Variants in SCAPER observed in about 807,000 individuals in gnomAD.
SCAPER encodes S-phase cyclin A associated protein in the ER.
A neutral mutation model predicts 182.2 loss-of-function variants in SCAPER; 98 were observed. The observed-to-expected ratio is 0.54, with a 90% confidence interval of 0.46 to 0.64. The LOEUF (loss-of-function observed/expected upper bound fraction) is 0.64, where lower values mean the gene tolerates loss of function less well. SCAPER is among the 30% of genes least tolerant of loss of function. The pLI, the probability that SCAPER is intolerant of heterozygous loss-of-function variation, is 0.00. For synonymous variants in SCAPER, 605 were observed against 564.6 expected, an observed-to-expected ratio of 1.07 and a Z score of -1.01; for missense variants, 1,432 against 1,690.0, an observed-to-expected ratio of 0.85 and a Z score of 2.68.
chr15:76,620,701 T>C (rs1414743697), intron 22 of SCAPER, among the ~76,000 whole-genome samples: 1 of 152,224 alleles, frequency 6.6e-6, no homozygotes, highest in Non-Finnish European at 1.5e-5. Context: ...CTTGACTTTT[T>C]CACTGTTAAA....
At chr15:76,531,295 TTTTC>T (rs2043640965) in intron 23 of SCAPER, among the ~76,000 whole-genome samples, 1 of 152,136 alleles carries the variant, frequency 6.6e-6, no homozygotes, top group Non-Finnish European at 1.5e-5. Flanking sequence ...CAGATGCTTG[TTTTC>T]TTTATCAGTC....
intron 25 of SCAPER, among the ~76,000 whole-genome samples, chr15:76,470,824 A>C (rs2050098104): frequency 6.6e-6 from 1 of 152,154 alleles, no homozygotes; most frequent in Non-Finnish European, 1.5e-5. Flanking sequence ...GACCCTTTTA[A>C]CTTAACCTGG....
Position 76,373,692 on chromosome 15 carries a change from G to A in SCAPER, c.3855+2470C>T, listed in dbSNP as rs368197307. 2.2e-3 allele frequency among the ~76,000 whole-genome samples: 328 copies of A among 152,328 alleles called. 2 individuals carry two copies. Among genetic ancestry groups the A allele is most frequent in the African/African-American group, 7.5e-3 (311 of 41,570 alleles). The stretch of plus-strand genomic sequence containing the variant: ...TAATATTCTGGTAAGGATCCAAACT[G>A]TCTATATTTTAGCCATGGGAATCTT... On this transcript the variant is annotated intron_variant, in intron 29 of 31. Coordinates refer to ENST00000563290, the MANE Select transcript of SCAPER (RefSeq NM_020843.4).
At chr15:76,554,102 G>T (rs990376184) in intron 23 of SCAPER, among the ~76,000 whole-genome samples, 5 of 152,164 alleles carry the variant, frequency 3.3e-5, no homozygotes. Flanking sequence ...CAATACAGGA[G>T]CTAAAAGATG....
intron 1 of SCAPER, among the ~76,000 whole-genome samples, chr15:76,886,616 C>A (rs1277117200): frequency 6.6e-6 from 1 of 152,136 alleles, no homozygotes; most frequent in African/African-American, 2.4e-5. Context: ...CCTCAAAGAC[C>A]TAAAGACACA....
chr15:76,592,813 T>G (rs1178053514), intron 22 of SCAPER, among the ~76,000 whole-genome samples: 2 of 120,920 alleles, frequency 1.7e-5, no homozygotes, highest in Admixed American at 1.8e-4. Flanking sequence ...TTTCCTAAGG[T>G]CTTTGCAACC....
chr15:76,721,762 T>C (rs1209868426), intron 17 of SCAPER, among the ~76,000 whole-genome samples: 1 of 152,140 alleles, frequency 6.6e-6, no homozygotes, highest in Non-Finnish European at 1.5e-5. Context: ...CTTGTGATTT[T>C]TGTACACTGA....
chr15:76,701,328 C>T (rs7168735), intron 20 of SCAPER, among the ~76,000 whole-genome samples: 1 of 152,014 alleles, frequency 6.6e-6, no homozygotes, highest in Admixed American at 6.6e-5. Context: ...CATATTTATA[C>T]AAATCTAAAT....
chr15:76,764,921 A>G (rs1418925785), intron 14 of SCAPER, 40 bp downstream of exon 14: 2 of 1,228,536 alleles, frequency 1.6e-6, no homozygotes, highest in Non-Finnish European at 2.3e-6. Context: ...AAGCCCAGCA[A>G]CTTCAGACTA....
chr15:76,680,439 A>ATAATAATAATAATAT (rs2057634758), intron 20 of SCAPER, among the ~76,000 whole-genome samples: 1 of 141,470 alleles, frequency 7.1e-6, no homozygotes, highest in African/African-American at 2.5e-5. Context: ...AATAATAATA[A>ATAATAATAATAATAT]TAATAATAAT....
chr15:76,726,393 T>C (rs1239819695), intron 17 of SCAPER, among the ~76,000 whole-genome samples: 4 of 151,512 alleles, frequency 2.6e-5, no homozygotes, highest in Non-Finnish European at 4.4e-5. Flanking sequence ...TGTGGAACCC[T>C]TGTGCAATGC....
chr15:76,471,674 G>GA (rs1236689477), intron 24 of SCAPER, among the ~76,000 whole-genome samples: 1 of 151,632 alleles, frequency 6.6e-6, no homozygotes, highest in East Asian at 1.9e-4. Flanking sequence ...ATAATACCCA[G>GA]AAAAAAAAGG....
At chr15:76,593,794 C>T (rs1476400669) in intron 22 of SCAPER, among the ~76,000 whole-genome samples, 3 of 120,998 alleles carry the variant, frequency 2.5e-5, no homozygotes, top group East Asian at 2.2e-4. Flanking sequence ...ACAAAAAGGA[C>T]ATCCACACAG....
intron 23 of SCAPER, among the ~76,000 whole-genome samples, chr15:76,514,698 T>C (rs1398442100): frequency 3.9e-5 from 6 of 152,298 alleles, no homozygotes; most frequent in Middle Eastern, 3.4e-3. Context: ...AAAATACAAG[T>C]AGGTTTTGGC....
Position 76,381,540 on chromosome 15 carries a change from A to G in SCAPER, c.3543T>C (p.Ala1181=). 6.2e-7 allele frequency: 1 copy of G among 1,612,620 alleles called. No individual in the cohort carries two copies. Reference sequence around the variant, plus strand: ...CACAGTAGAGCATATGAAGAACTCCAGCCAGGTCGGTTGCCTGAAGAGCAG... The same window carrying G: ...CACAGTAGAGCATATGAAGAACTCCGGCCAGGTCGGTTGCCTGAAGAGCAG... The part of the protein sequence containing the change: ...LTAALQATDL[A]GVLHMLYCVL... The change falls in exon 28 of 32, where the codon GCT becomes GCC. Residue 1181 remains alanine (A), a synonymous_variant. Transcript: ENST00000563290.
intron 24 of SCAPER, among the ~76,000 whole-genome samples, chr15:76,477,941 T>A (rs924050791): frequency 2.0e-5 from 3 of 151,992 alleles, no homozygotes; most frequent in African/African-American, 4.8e-5. Flanking sequence ...TCTTAATTTT[T>A]TTTTTTAGTT....
chr15:76,585,286 A>G (rs1567528130), intron 22 of SCAPER, among the ~76,000 whole-genome samples: 1 of 152,164 alleles, frequency 6.6e-6, no homozygotes, highest in Non-Finnish European at 1.5e-5. Context: ...CTGTTCACTG[A>G]TAGTATGTCT....
intron 14 of SCAPER, among the ~76,000 whole-genome samples, chr15:76,756,112 T>C (rs1227222970): frequency 2.6e-5 from 4 of 151,888 alleles, no homozygotes; most frequent in African/African-American, 7.3e-5. Context: ...GGTGTGGTGG[T>C]GCACGCCTAT....
chr15:76,724,429 T>A (rs2060464769), intron 17 of SCAPER, among the ~76,000 whole-genome samples: 1 of 152,108 alleles, frequency 6.6e-6, no homozygotes, highest in Admixed American at 6.6e-5. Context: ...TCAAGGAGTA[T>A]CTTTGTGGCA....
Sources: gnomAD v4.1 joint callset for allele counts (sites outside exome capture counted in the v4.1 genomes callset) on GRCh38, gnomAD v4.1.1 for gene constraint, MANE v1.5 for transcripts, NCBI Gene and HGNC (gene_info 2026-07-23, HGNC 2026-07-21) for gene names.